DPYSL3: variants seen among roughly 807,000 people sequenced by gnomAD.
The protein encoded by DPYSL3 is dihydropyrimidinase like 3.
In DPYSL3, 16 loss-of-function variants were observed where a neutral mutation model predicts 66.1. That is an observed-to-expected ratio of 0.24 (90% confidence interval 0.16 to 0.37). The LOEUF is 0.37. Among genes scored for constraint, DPYSL3 ranks in the 10% least tolerant of loss-of-function variants. The pLI, the probability that DPYSL3 is intolerant of heterozygous loss-of-function variation, is 1.00. For missense variants in DPYSL3, 738 were observed against 916.2 expected (o/e 0.81, Z 2.51); for synonymous variants, 338 against 345.1 (o/e 0.98, Z 0.23).
At chr5:147,507,731 G>C (rs1159641566) in intron 1 of DPYSL3, among the ~76,000 whole-genome samples, 1 of 152,158 alleles carries the variant, frequency 6.6e-6, no homozygotes, top group Non-Finnish European at 1.5e-5. Flanking sequence ...TGATGCCTAG[G>C]TTGTATTATT....
chr5:147,405,849 A>T, intron 7 of DPYSL3, 119 bp from the exon 8 acceptor site: 1 of 1,358,564 alleles, frequency 7.4e-7, no homozygotes, highest in East Asian at 2.4e-5. Context: ...TTTTGGCAGG[A>T]TCTGGAATTA....
chr5:147,488,369 G>A (rs1356773184), intron 1 of DPYSL3, among the ~76,000 whole-genome samples: 2 of 152,134 alleles, frequency 1.3e-5, no homozygotes, highest in East Asian at 3.9e-4. Context: ...CTAAAATAGC[G>A]ATGAATGGGC....
chr5:147,448,952 G>GT (rs1752677648), intron 1 of DPYSL3, among the ~76,000 whole-genome samples: 1 of 152,202 alleles, frequency 6.6e-6, no homozygotes, highest in African/African-American at 2.4e-5. Flanking sequence ...ATTCTTAAGT[G>GT]TTTGCTATTT....
intron 4 of DPYSL3, among the ~76,000 whole-genome samples, 153 bp from the exon 5 acceptor site, chr5:147,413,810 C>T (rs1215785643): frequency 1.3e-5 from 2 of 152,198 alleles, no homozygotes; most frequent in African/African-American, 4.8e-5. Context: ...TCTTCAAGAG[C>T]ATTTTGCTCT....
chr5:147,441,603 C>T (rs1752534065), intron 1 of DPYSL3, among the ~76,000 whole-genome samples: 1 of 152,190 alleles, frequency 6.6e-6, no homozygotes, highest in Non-Finnish European at 1.5e-5. Context: ...GAGAAAAGCA[C>T]TATAACTTCT....
intron 1 of DPYSL3, among the ~76,000 whole-genome samples, chr5:147,504,668 T>C (rs1053149987): frequency 2.0e-5 from 3 of 152,212 alleles, no homozygotes; most frequent in African/African-American, 7.2e-5. Context: ...AAATGACAAA[T>C]GGTAAAAAGG....
intron 1 of DPYSL3, among the ~76,000 whole-genome samples, chr5:147,487,840 T>C (rs1036526238): frequency 1.3e-5 from 2 of 152,170 alleles, no homozygotes; most frequent in African/African-American, 4.8e-5. Context: ...CTGCCTTCAT[T>C]TCAAATCCCT....
At chr5:147,424,418 T>A (rs1752148904) in intron 2 of DPYSL3, among the ~76,000 whole-genome samples, 1 of 152,234 alleles carries the variant, frequency 6.6e-6, no homozygotes, top group East Asian at 1.9e-4. Context: ...TAATTATACA[T>A]CCCTAATGAA....
intron 8 of DPYSL3, among the ~76,000 whole-genome samples, chr5:147,404,013 T>C (rs1173123096): frequency 1.3e-5 from 2 of 152,174 alleles, no homozygotes; most frequent in African/African-American, 2.4e-5. Context: ...CCGGGCAGAA[T>C]GCAGCCTCAG....
chr5:147,397,882 G>GTA, intron 11 of DPYSL3, 37 bp from the exon 12 acceptor site: 2 of 1,525,700 alleles, frequency 1.3e-6, no homozygotes, highest in South Asian at 1.2e-5. Context: ...CACAGTAAGG[G>GTA]TAGAGAAAGA....
intron 7 of DPYSL3, among the ~76,000 whole-genome samples, chr5:147,407,733 T>C (rs1440070995): frequency 6.6e-6 from 1 of 152,104 alleles, no homozygotes; most frequent in East Asian, 1.9e-4. Flanking sequence ...GAGACAGACT[T>C]CAGGGATGCT....
intron 1 of DPYSL3, among the ~76,000 whole-genome samples, chr5:147,508,765 G>A (rs547562514): frequency 6.6e-6 from 1 of 152,268 alleles, no homozygotes; most frequent in African/African-American, 2.4e-5. Context: ...TAATACTCTC[G>A]TCTATTTTCT....
intron 1 of DPYSL3, among the ~76,000 whole-genome samples, chr5:147,493,599 A>G (rs149046937): frequency 4.9e-4 from 75 of 152,140 alleles, no homozygotes; most frequent in African/African-American, 1.5e-3. Context: ...AGGAAGGAAG[A>G]AAGAAATAAA....
chr5:147,498,851 T>C (rs913368813), intron 1 of DPYSL3, among the ~76,000 whole-genome samples: 1 of 152,196 alleles, frequency 6.6e-6, no homozygotes, highest in Non-Finnish European at 1.5e-5. Context: ...TATTAGACCT[T>C]TGTTTTCCAT....
chr5:147,442,848 A>G (rs1752559524), intron 1 of DPYSL3, among the ~76,000 whole-genome samples: 1 of 151,998 alleles, frequency 6.6e-6, no homozygotes, highest in Admixed American at 6.6e-5. Flanking sequence ...TATAGTCAAA[A>G]AAAAAAATCT....
intron 1 of DPYSL3, among the ~76,000 whole-genome samples, chr5:147,480,963 C>T (rs987609516): frequency 1.3e-5 from 2 of 151,980 alleles, no homozygotes; most frequent in African/African-American, 4.8e-5. Flanking sequence ...CTCAGGTGAT[C>T]CACCCACCTT....
At chr5:147,443,873 G>A (rs1752580276) in intron 1 of DPYSL3, among the ~76,000 whole-genome samples, 1 of 152,060 alleles carries the variant, frequency 6.6e-6, no homozygotes, top group Admixed American at 6.6e-5. Context: ...TAACAGTGTG[G>A]AGCAGCTTTG....
intron 8 of DPYSL3, among the ~76,000 whole-genome samples, chr5:147,402,603 T>G (rs987565427): frequency 6.6e-6 from 1 of 151,342 alleles, no homozygotes; most frequent in Non-Finnish European, 1.5e-5. Context: ...CGCCTCGGCC[T>G]CCCAAAGTGC....
At chr5:147,440,651 T>A (rs1239337616) in intron 1 of DPYSL3, among the ~76,000 whole-genome samples, 3 of 152,236 alleles carry the variant, frequency 2.0e-5, no homozygotes, top group Non-Finnish European at 2.9e-5. Context: ...CTAATTATGC[T>A]ATCTTTTTAA....
Sources: gnomAD v4.1 joint callset for allele counts (sites outside exome capture counted in the v4.1 genomes callset) on GRCh38, gnomAD v4.1.1 for gene constraint, MANE v1.5 for transcripts, NCBI Gene and HGNC (gene_info 2026-07-23, HGNC 2026-07-21) for gene names.